ANKS1B: variants seen among roughly 807,000 people sequenced by gnomAD.
ANKS1B encodes the protein ankyrin repeat and sterile alpha motif domain containing 1B.
In ANKS1B, 36 loss-of-function variants were observed where a neutral mutation model predicts 148.3. The ratio of observed to expected loss-of-function variants is 0.24; its 90% CI spans 0.19 to 0.32. The LOEUF is 0.32. ANKS1B is among the 10% of genes least tolerant of loss of function. The probability of loss-of-function intolerance (pLI) is 1.00; values close to 1 mark genes in which losing one functional copy is unlikely to be tolerated. For missense variants in ANKS1B, 1,157 were observed against 1,542.6 expected, an observed-to-expected ratio of 0.75 and a Z score of 4.19; for synonymous variants, 542 against 560.8, an observed-to-expected ratio of 0.97 and a Z score of 0.47.
intron 8 of ANKS1B, among the ~76,000 whole-genome samples, chr12:99,722,291 G>C (rs904927562): frequency 1.3e-5 from 2 of 152,226 alleles, no homozygotes; most frequent in African/African-American, 4.8e-5. Context: ...TAACCAGAGA[G>C]GAGAAGTCAA....
At chr12:99,470,891 C>T (rs909401960) in intron 10 of ANKS1B, among the ~76,000 whole-genome samples, 2 of 152,082 alleles carry the variant, frequency 1.3e-5, no homozygotes, top group Admixed American at 6.6e-5. Context: ...ATTCATCTTA[C>T]TATATTATTA....
chr12:99,009,909 T>C (rs992576947), intron 17 of ANKS1B, among the ~76,000 whole-genome samples: 1 of 152,128 alleles, frequency 6.6e-6, no homozygotes, highest in African/African-American at 2.4e-5. Context: ...TATTAGTTAT[T>C]ACCTCAGGAG....
At chr12:99,259,093 C>T (rs1031743444) in intron 12 of ANKS1B, among the ~76,000 whole-genome samples, 28 of 152,078 alleles carry the variant, frequency 1.8e-4, no homozygotes, top group African/African-American at 6.3e-4. Flanking sequence ...TAATGCAAAG[C>T]CGGCTTTTTT....
intron 19 of ANKS1B, among the ~76,000 whole-genome samples, chr12:98,812,940 G>C (rs61933595): frequency 0.08 from 12,165 of 152,206 alleles, 664 homozygotes; most frequent in Non-Finnish European, 0.12. Context: ...CAGAGCAAGC[G>C]ACTTAAGGCA....
chr12:98,798,417 G>A (rs1054179465), intron 22 of ANKS1B, among the ~76,000 whole-genome samples: 3 of 151,386 alleles, frequency 2.0e-5, no homozygotes, highest in African/African-American at 4.9e-5. Flanking sequence ...CACTGTGCCC[G>A]GCCTGGAATT....
chr12:99,384,835 C>T (rs971127025), intron 12 of ANKS1B, among the ~76,000 whole-genome samples: 2 of 151,962 alleles, frequency 1.3e-5, no homozygotes, highest in Admixed American at 6.6e-5. Context: ...TTTTTTTTTA[C>T]CACAAAGTTT....
At chr12:99,363,577 G>T (rs921398359) in intron 12 of ANKS1B, among the ~76,000 whole-genome samples, 20 of 152,094 alleles carry the variant, frequency 1.3e-4, no homozygotes, top group African/African-American at 4.6e-4. Context: ...TGAAGCTTAA[G>T]CTTCAGGACC....
Position 99,775,625 on chromosome 12 carries a change from T to C in ANKS1B, c.884A>G (p.Glu295Gly). 1 of 1,612,164 alleles carries C rather than the reference T, an allele frequency of 6.2e-7. No homozygotes were observed. Residue 295 changes from glutamate to glycine, a missense_variant, in exon 7 of 27, where the codon GAA becomes GGA. Glu to Gly is a moderately conservative substitution (Grantham distance 98, BLOSUM62 -2). Coordinates refer to ENST00000683438, the MANE Select transcript of ANKS1B (RefSeq NM_001352186.2). ...TGTTGCATCTTCCTGTACAGGCTCT[T>C]CGAGGACTGTAGATCTTCCCACGCC... is the stretch of plus-strand genomic sequence containing the variant. Reference protein sequence around the residue: ...LEGVGRSTVLEEPVQEDATQE... With the variant: ...LEGVGRSTVLGEPVQEDATQE...
chr12:98,864,377 A>G (rs954832259), intron 17 of ANKS1B, among the ~76,000 whole-genome samples: 7 of 152,152 alleles, frequency 4.6e-5, no homozygotes, highest in Admixed American at 1.3e-4. Flanking sequence ...GGGCTAAGGG[A>G]TGGTTAATGT....
intron 14 of ANKS1B, among the ~76,000 whole-genome samples, chr12:99,205,316 T>C (rs1009013674): frequency 2.0e-5 from 3 of 152,244 alleles, no homozygotes; most frequent in Non-Finnish European, 4.4e-5. Flanking sequence ...CCCTTTTCTG[T>C]GTATAAACCA....
At chr12:99,892,334 C>T (rs531027925) in intron 1 of ANKS1B, among the ~76,000 whole-genome samples, 2 of 152,110 alleles carry the variant, frequency 1.3e-5, no homozygotes, top group Non-Finnish European at 2.9e-5. Context: ...AAAGCTGACA[C>T]ACCGAATGCA....
At chr12:99,678,786 C>T (rs914805434) in intron 8 of ANKS1B, among the ~76,000 whole-genome samples, 1 of 152,150 alleles carries the variant, frequency 6.6e-6, no homozygotes, top group African/African-American at 2.4e-5. Context: ...GTTGACAGAT[C>T]CCATGTCCAA....
chr12:99,627,340 C>T (rs924500228), intron 9 of ANKS1B, among the ~76,000 whole-genome samples: 5 of 152,128 alleles, frequency 3.3e-5, no homozygotes, highest in Non-Finnish European at 7.4e-5. Flanking sequence ...TGAATGCATC[C>T]TTTAGCTATA....
chr12:98,751,258 G>C lies in ANKS1B; in HGVS notation c.3747+97C>G, dbSNP rs2098082973. 2 of 1,269,942 alleles carry C rather than the reference G, an allele frequency of 1.6e-6. No individual in the cohort carries two copies. The highest frequency in any genetic ancestry group is 2.2e-6 in the Non-Finnish European group (2 of 923,438). The allele number at this position is 1,269,942 out of a possible 1,614,324, so 78.7% of individuals were successfully genotyped here. A position where few individuals can be genotyped will look rare whatever the true frequency, so the allele number is the denominator to read the frequency against. ...AGGGAAAGGATGAAGAAGAGGCCCTGGGTTCTAATGGCACCCACACCACAC... is the reference window on the plus strand; with the variant it reads ...AGGGAAAGGATGAAGAAGAGGCCCTCGGTTCTAATGGCACCCACACCACAC... On this transcript the variant is annotated intron_variant, in intron 26 of 26. Coordinates refer to ENST00000683438, the MANE Select transcript of ANKS1B (RefSeq NM_001352186.2). This position sits in a 1 kb window ranked among gnomAD's most constrained non-coding sequence, Gnocchi z 4.3.
chr12:99,477,236 G>C (rs974375634), intron 10 of ANKS1B, among the ~76,000 whole-genome samples: 1 of 152,180 alleles, frequency 6.6e-6, no homozygotes, highest in Non-Finnish European at 1.5e-5. Context: ...ATCACTGGCA[G>C]TTATCTTAGA....
intron 8 of ANKS1B, among the ~76,000 whole-genome samples, chr12:99,745,320 A>G (rs773257788): frequency 6.6e-6 from 1 of 152,230 alleles, no homozygotes; most frequent in African/African-American, 2.4e-5. Context: ...AATGAGAAGC[A>G]TAAGAACAGT....
intron 1 of ANKS1B, among the ~76,000 whole-genome samples, chr12:99,968,073 G>A (rs1460627641): frequency 1.3e-5 from 2 of 152,158 alleles, no homozygotes; most frequent in Non-Finnish European, 2.9e-5. Context: ...ACCATGAAAG[G>A]AAGAAAGGCT....
chr12:99,627,813 A>G (rs2098124309), intron 9 of ANKS1B, among the ~76,000 whole-genome samples: 1 of 152,180 alleles, frequency 6.6e-6, no homozygotes, highest in Non-Finnish European at 1.5e-5. Context: ...GCATGTTAAG[A>G]GAAAGGGGGT....
At chr12:99,161,316 C>A (rs1407795089) in intron 14 of ANKS1B, among the ~76,000 whole-genome samples, 1 of 152,142 alleles carries the variant, frequency 6.6e-6, no homozygotes, top group East Asian at 1.9e-4. Flanking sequence ...GTGAGAGGAT[C>A]ACTTGAGTTT....
Sources: allele counts gnomAD v4.1 joint callset (sites outside exome capture counted in the v4.1 genomes callset), GRCh38; gene constraint gnomAD v4.1.1; non-coding constraint Gnocchi (gnomAD v3.1); transcripts MANE v1.5; gene names NCBI Gene and HGNC (gene_info 2026-07-23, HGNC 2026-07-21).